The following USP25 variants were observed in gnomAD, a reference collection of about 807,000 sequenced individuals.
USP25 encodes ubiquitin carboxyl-terminal hydrolase 25.
USP25 carries 85 observed loss-of-function variants against 158.5 expected under a neutral mutation model. The ratio of observed to expected loss-of-function variants is 0.54; its 90% confidence interval spans 0.45 to 0.64. The LOEUF is 0.64. Among genes scored for constraint, USP25 ranks in the 30% least tolerant of loss-of-function variants. USP25 has a pLI of 0.00. For missense variants in USP25, 1,242 were observed against 1,327.3 expected, an observed-to-expected ratio of 0.94 and a Z score of 1.00; for synonymous variants, 464 against 460.4, an observed-to-expected ratio of 1.01 and a Z score of -0.10.
chr21:15,778,139 A>C, intron 4 of USP25, 112 bp downstream of exon 4: 1 of 982,806 alleles, frequency 1.0e-6, no homozygotes, highest in Non-Finnish European at 1.4e-6. Context: ...ACTCTAAACT[A>C]GTAATATGCT....
intron 9 of USP25, among the ~76,000 whole-genome samples, chr21:15,813,777 G>T (rs1253247406): frequency 6.7e-6 from 1 of 150,344 alleles, no homozygotes; most frequent in African/African-American, 2.4e-5. Flanking sequence ...AGTTTCAACT[G>T]ATTACTCCCC....
rs760710949 is a variant in USP25 at position 15,762,955 on chromosome 21, A to T, written c.110A>T (p.Gln37Leu). The T allele has an allele frequency of 6.2e-7, 1 of 1,612,446 alleles. No individual in the cohort carries two copies. The highest frequency in any genetic ancestry group is 1.1e-5 in the South Asian group (1 of 90,880). Residue 37 changes from glutamine to leucine, a missense_variant, in exon 2 of 26, where the codon CAG becomes CTG. By Grantham distance (113) the Gln-to-Leu change is moderately radical. Transcript: ENST00000400183. ...GGGATTAATGACACCCAGATACTAC[A>T]GCAAGCCTTGAAGGTATGGCCTCTG... The part of the protein sequence containing the change: ...ITGINDTQIL[Q>L]QALKDSNGNL...
chr21:15,773,781 A>G (rs2034489539), intron 3 of USP25, among the ~76,000 whole-genome samples: 1 of 152,206 alleles, frequency 6.6e-6, no homozygotes, highest in Admixed American at 6.5e-5. Context: ...AGCTTAGGCT[A>G]TTAGTTCATA....
rs1260189773 is a variant in USP25 at position 15,762,913 on chromosome 21, A to G, written c.68A>G (p.Gln23Arg). Residue 23 changes from glutamine to arginine, a missense_variant, in exon 2 of 26, where the codon CAA becomes CGA. Coordinates refer to ENST00000400183, the MANE Select transcript of USP25 (RefSeq NM_001283041.3). ...AQKHQQTFLN[Q>R]LREITGINDT... ...TAGCACCAGCAGACGTTTTTGAATCAACTGAGAGAAATTACGGGGATTAAT... is the reference window on the plus strand; with the variant it reads ...TAGCACCAGCAGACGTTTTTGAATCGACTGAGAGAAATTACGGGGATTAAT... 1 of 1,612,800 alleles carries G rather than the reference A, an allele frequency of 6.2e-7. No individual in the cohort carries two copies. The highest frequency in any genetic ancestry group is 2.2e-5 in the East Asian group (1 of 44,812).
rs2038444260 is a variant in USP25 at position 15,843,609 on chromosome 21, C to T, written c.2337+1069C>T. Among the ~76,000 whole-genome samples, 1 of 152,058 alleles carries T rather than the reference C, an allele frequency of 6.6e-6. No individual in the cohort carries two copies. The highest frequency in any genetic ancestry group is 6.6e-5 in the Admixed American group (1 of 15,258). On this transcript the variant is annotated intron_variant, in intron 18 of 25. Transcript: ENST00000400183. The surrounding 1 kb of genome is among the most constrained non-coding windows in gnomAD (Gnocchi z 4.0). ...AGATATTTGATGATTCCAAATTTTG[C>T]AAATGCCTTAGAAGCTTTAAATGAA...
At chr21:15,744,233 T>C (rs2123247914) in intron 1 of USP25, 1 of 152,848 alleles carries the variant, frequency 6.5e-6, no homozygotes, top group Non-Finnish European at 1.5e-5. Flanking sequence ...GGTGTGGTCC[T>C]AGGGCTGTGT....
intron 22 of USP25, among the ~76,000 whole-genome samples, chr21:15,867,667 T>G (rs140381690): frequency 6.6e-6 from 1 of 152,164 alleles, no homozygotes; most frequent in African/African-American, 2.4e-5. Flanking sequence ...AAGACAGCTT[T>G]GCAGCATGCA....
chr21:15,805,688 T>C (rs986152581), intron 7 of USP25: 1 of 152,406 alleles, frequency 6.6e-6, no homozygotes, highest in African/African-American at 2.4e-5. Context: ...TGTATTGTGG[T>C]AGATTTTTAT....
intron 10 of USP25, among the ~76,000 whole-genome samples, chr21:15,821,058 G>T (rs2037208650): frequency 6.6e-6 from 1 of 151,962 alleles, no homozygotes; most frequent in Non-Finnish European, 1.5e-5. Flanking sequence ...GAAACATGGA[G>T]ATATTTTTTG....
At chr21:15,746,494 A>G (rs1600793420) in intron 1 of USP25, among the ~76,000 whole-genome samples, 1 of 152,086 alleles carries the variant, frequency 6.6e-6, no homozygotes, top group Admixed American at 6.5e-5. Context: ...TCCCAGGTTC[A>G]AGCGATTCTC....
chr21:15,785,509 C>G (rs1339513507), intron 4 of USP25, among the ~76,000 whole-genome samples: 1 of 152,088 alleles, frequency 6.6e-6, no homozygotes, highest in Non-Finnish European at 1.5e-5. Flanking sequence ...TAGAAATCAA[C>G]AACAAGAAAA....
At chr21:15,773,386 A>C (rs572598492) in intron 3 of USP25, 4 of 152,286 alleles carry the variant, frequency 2.6e-5, no homozygotes, top group Admixed American at 6.5e-5. Flanking sequence ...ATTCTATCTA[A>C]AGAGAGCTGC....
chr21:15,862,238 A>T (rs1459408425), intron 20 of USP25, among the ~76,000 whole-genome samples: 3 of 152,106 alleles, frequency 2.0e-5, no homozygotes, highest in Non-Finnish European at 4.4e-5. Context: ...CCAAATCCAG[A>T]ATTCAAAATC....
At chr21:15,808,535 T>G (rs2036502040) in intron 7 of USP25, among the ~76,000 whole-genome samples, 2 of 149,682 alleles carry the variant, frequency 1.3e-5, no homozygotes, top group Admixed American at 1.3e-4. Context: ...ATTTGTAAGT[T>G]TGGTTTTTGA....
intron 23 of USP25, among the ~76,000 whole-genome samples, chr21:15,873,522 A>T (rs1408201160): frequency 6.7e-6 from 1 of 149,798 alleles, no homozygotes; most frequent in East Asian, 2.0e-4. Context: ...TTTTTTTGAG[A>T]CGGAGTTTTG....
At chr21:15,872,140 T>TA (rs1030372540) in intron 23 of USP25, among the ~76,000 whole-genome samples, 6 of 151,376 alleles carry the variant, frequency 4.0e-5, no homozygotes, top group African/African-American at 1.5e-4. Context: ...TGTAAACATT[T>TA]AAAGGCTTGA....
chr21:15,758,639 T>G (rs558894082), intron 1 of USP25, among the ~76,000 whole-genome samples: 7 of 152,268 alleles, frequency 4.6e-5, no homozygotes, highest in Non-Finnish European at 1.0e-4. Flanking sequence ...AATAAAGACA[T>G]ACCTGGGACT....
At chr21:15,871,046 G>A (rs1226894188) in intron 23 of USP25, among the ~76,000 whole-genome samples, 1 of 152,160 alleles carries the variant, frequency 6.6e-6, no homozygotes, top group East Asian at 1.9e-4. Context: ...AGCCAGCACA[G>A]AACATTTCCA....
intron 17 of USP25, among the ~76,000 whole-genome samples, 186 bp from the exon 18 acceptor site, chr21:15,842,212 T>C (rs977828831): frequency 9.9e-5 from 15 of 151,604 alleles, no homozygotes; most frequent in African/African-American, 3.7e-4. Context: ...TACTCTTAGT[T>C]CTGGGTTTTT....
Sources: gnomAD v4.1 joint callset for allele counts (sites outside exome capture counted in the v4.1 genomes callset) on GRCh38, gnomAD v4.1.1 for gene constraint, Gnocchi (gnomAD v3.1) non-coding constraint, MANE v1.5 for transcripts, NCBI Gene and HGNC (gene_info 2026-07-23, HGNC 2026-07-21) for gene names.